SAMTOR: variants seen among roughly 807,000 people sequenced by gnomAD.
SAMTOR encodes the protein S-adenosylmethionine sensor upstream of mTORC1, also known as UPF0532 protein C7orf60.
chr7:112,828,211 G>T, the SAMTOR span, among the ~76,000 whole-genome samples: 3 of 152,266 alleles, frequency 2.0e-5, no homozygotes, highest in Admixed American at 2.0e-4. Flanking sequence ...TAGTGCTGTT[G>T]TAACAAAGTA....
chr7:112,821,706 T>C, the SAMTOR span: 1 of 1,535,828 alleles, frequency 6.5e-7, no homozygotes, highest in African/African-American at 1.4e-5. Context: ...AGCAATTAGT[T>C]TAGGAGCCTG....
At chr7:112,870,591 T>C in the SAMTOR span, among the ~76,000 whole-genome samples, 13 of 151,966 alleles carry the variant, frequency 8.6e-5, no homozygotes, top group African/African-American at 3.1e-4. Flanking sequence ...AAAGCATACA[T>C]AAACACACAG....
the SAMTOR span, among the ~76,000 whole-genome samples, chr7:112,859,741 A>G: frequency 6.6e-6 from 1 of 152,256 alleles, no homozygotes; most frequent in Non-Finnish European, 1.5e-5. Flanking sequence ...TTATAGAATA[A>G]GAATATAAAG....
chr7:112,865,208 G>A, the SAMTOR span, among the ~76,000 whole-genome samples: 2 of 152,054 alleles, frequency 1.3e-5, no homozygotes, highest in African/African-American at 4.8e-5. Context: ...CAGCACTTTG[G>A]GTGGCTAATA....
the SAMTOR span, among the ~76,000 whole-genome samples, chr7:112,899,958 G>A: frequency 1.3e-5 from 2 of 152,094 alleles, no homozygotes; most frequent in African/African-American, 4.8e-5. Flanking sequence ...AGAAAAGGAT[G>A]CTAACACACA....
chr7:112,935,695 T>C, the SAMTOR span, among the ~76,000 whole-genome samples: 8 of 152,156 alleles, frequency 5.3e-5, no homozygotes, highest in Admixed American at 4.6e-4. Flanking sequence ...TTTGATAAAA[T>C]GTCCCAAAGA....
At chr7:112,870,476 T>C in the SAMTOR span, among the ~76,000 whole-genome samples, 33 of 152,198 alleles carry the variant, frequency 2.2e-4, no homozygotes, top group South Asian at 6.9e-3. Context: ...AATAAAGTAT[T>C]TTTCAGACAA....
chr7:112,834,430 A>T, the SAMTOR span, among the ~76,000 whole-genome samples: 1 of 151,362 alleles, frequency 6.6e-6, no homozygotes, highest in Non-Finnish European at 1.5e-5. Flanking sequence ...CACAGATGCA[A>T]TTGACTTGGA....
chr7:112,879,350 A>G, the SAMTOR span, among the ~76,000 whole-genome samples: 6 of 151,950 alleles, frequency 3.9e-5, no homozygotes, highest in Non-Finnish European at 8.8e-5. Context: ...CAGGACCAAC[A>G]ATTAAGAGAG....
the SAMTOR span, among the ~76,000 whole-genome samples, chr7:112,914,247 G>A: frequency 6.8e-6 from 1 of 147,518 alleles, no homozygotes; most frequent in African/African-American, 2.5e-5. Context: ...TTTATTTTTG[G>A]GAATTCATGT....
chr7:112,872,482 GCCA>G, the SAMTOR span, among the ~76,000 whole-genome samples: 1 of 151,716 alleles, frequency 6.6e-6, no homozygotes, highest in Non-Finnish European at 1.5e-5. Context: ...AATAATAAGA[GCCA>G]CCGATGACAA....
the SAMTOR span, among the ~76,000 whole-genome samples, chr7:112,914,276 GTTTTT>G: frequency 3.1e-5 from 4 of 131,004 alleles, no homozygotes; most frequent in Admixed American, 7.8e-5. Context: ...TTAGCCTCTA[GTTTTT>G]TTTTTTTTTT....
At chr7:112,865,519 G>T in the SAMTOR span, among the ~76,000 whole-genome samples, 2 of 151,438 alleles carry the variant, frequency 1.3e-5, no homozygotes. Context: ...CTTGTGATCC[G>T]CCCGCCTAGG....
At chr7:112,902,991 G>T in the SAMTOR span, among the ~76,000 whole-genome samples, 1 of 152,122 alleles carries the variant, frequency 6.6e-6, no homozygotes, top group Admixed American at 6.6e-5. Context: ...CAAATTGAGA[G>T]GCAATCTATA....
At chr7:112,929,446 T>C in the SAMTOR span, among the ~76,000 whole-genome samples, 2 of 152,112 alleles carry the variant, frequency 1.3e-5, no homozygotes, top group Admixed American at 1.3e-4. Context: ...ATAACAAGCA[T>C]TGGTGAGGAT....
At chr7:112,902,439 C>CAA in the SAMTOR span, among the ~76,000 whole-genome samples, 21,551 of 81,446 alleles carry the variant, frequency 0.26, 4,569 homozygotes, top group Middle Eastern at 0.51. Context: ...CAAAAAAAAA[C>CAA]AAAAAAAAAC....
chr7:112,870,938 G>A, the SAMTOR span, among the ~76,000 whole-genome samples: 1 of 151,904 alleles, frequency 6.6e-6, no homozygotes, highest in African/African-American at 2.4e-5. Context: ...ACAGAGAAGG[G>A]CACTACATAA....
At chr7:112,890,033 G>C in the SAMTOR span, among the ~76,000 whole-genome samples, 3 of 152,178 alleles carry the variant, frequency 2.0e-5, no homozygotes, top group Non-Finnish European at 2.9e-5. Context: ...CTGCAGAATG[G>C]AGGACTAGTC....
the SAMTOR span, among the ~76,000 whole-genome samples, chr7:112,847,724 G>A: frequency 6.8e-4 from 103 of 152,118 alleles, 1 homozygote; most frequent in Admixed American, 1.4e-3. Flanking sequence ...GTTGCGGTGA[G>A]CCAAGATTGC....
Sources: allele counts gnomAD v4.1 joint callset (sites outside exome capture counted in the v4.1 genomes callset), GRCh38; gene constraint gnomAD v4.1.1; transcripts MANE v1.5; gene names NCBI Gene and HGNC (gene_info 2026-07-23, HGNC 2026-07-21).